The following NTN1 variants were observed in gnomAD, a reference collection of about 807,000 sequenced individuals.
The protein encoded by NTN1 is netrin-1.
In NTN1, 11 loss-of-function variants were observed where a neutral mutation model predicts 54.2. The ratio of observed to expected loss-of-function variants is 0.20; its 90% CI spans 0.13 to 0.34. The LOEUF is 0.34. Ranked by LOEUF, NTN1 falls within the 10% of genes least tolerant of loss-of-function variation. The pLI is 1.00. For missense variants in NTN1, 740 were observed against 893.1 expected (o/e 0.83, Z 2.18); for synonymous variants, 371 against 382.0 (o/e 0.97, Z 0.33).
intron 2 of NTN1, among the ~76,000 whole-genome samples, chr17:9,106,449 TTTCC>T (rs1389408570): frequency 1.3e-5 from 2 of 149,468 alleles, no homozygotes; most frequent in Non-Finnish European, 3.0e-5. Context: ...CAAAATGGCA[TTTCC>T]TTCCTTCCTT....
At chr17:9,191,936 C>T (rs1904473412) in intron 5 of NTN1, among the ~76,000 whole-genome samples, 1 of 149,124 alleles carries the variant, frequency 6.7e-6, no homozygotes, top group South Asian at 2.1e-4. Flanking sequence ...TATCACGCCA[C>T]TGCACGGCAG....
chr17:9,222,984 C>G (rs1905414299), intron 6 of NTN1, among the ~76,000 whole-genome samples: 1 of 152,200 alleles, frequency 6.6e-6, no homozygotes, highest in Non-Finnish European at 1.5e-5. Flanking sequence ...CCCCACAGGC[C>G]TTCTGGCCTT....
intron 2 of NTN1, among the ~76,000 whole-genome samples, chr17:9,039,543 T>C (rs2091914768): frequency 1.3e-5 from 2 of 152,218 alleles, no homozygotes; most frequent in Admixed American, 1.3e-4. Context: ...ATTGCACATA[T>C]ATAAAAAGTA....
At chr17:9,075,252 G>A (rs1451685023) in intron 2 of NTN1, among the ~76,000 whole-genome samples, 4 of 152,180 alleles carry the variant, frequency 2.6e-5, no homozygotes, top group Admixed American at 1.3e-4. Flanking sequence ...AGGCCGAGGC[G>A]GGTGGAATAC....
intron 2 of NTN1, among the ~76,000 whole-genome samples, chr17:9,051,113 C>T (rs1299820331): frequency 3.9e-5 from 6 of 152,124 alleles, no homozygotes; most frequent in African/African-American, 1.4e-4. Flanking sequence ...TGGGGACCCT[C>T]GGGAAGGCAG....
intron 2 of NTN1, among the ~76,000 whole-genome samples, chr17:9,118,130 A>G (rs2092220325): frequency 6.6e-6 from 1 of 152,208 alleles, no homozygotes; most frequent in Non-Finnish European, 1.5e-5. Context: ...GTATAATGTC[A>G]GTGTCTACCT....
intron 2 of NTN1, among the ~76,000 whole-genome samples, chr17:9,030,368 A>T (rs1409829057): frequency 2.6e-5 from 4 of 152,220 alleles, no homozygotes; most frequent in African/African-American, 9.6e-5. Context: ...ACCTTCTGTC[A>T]TTGGGATTAG....
chr17:9,117,782 A>C (rs1301564925), intron 2 of NTN1, among the ~76,000 whole-genome samples: 1 of 150,902 alleles, frequency 6.6e-6, no homozygotes, highest in Non-Finnish European at 1.5e-5. Context: ...AAAAAAAAAA[A>C]AAAAACAAGC....
chr17:9,005,617 C>T, the NTN1 span, among the ~76,000 whole-genome samples: 1 of 152,324 alleles, frequency 6.6e-6, no homozygotes. Flanking sequence ...CTAGCAGGCC[C>T]TTCTCTCCCA....
intron 2 of NTN1, among the ~76,000 whole-genome samples, chr17:9,161,170 GGGTGCCCACGCCAGGCT>G (rs1341095406): frequency 6.6e-6 from 1 of 152,196 alleles, no homozygotes; most frequent in African/African-American, 2.4e-5. Flanking sequence ...AGGCCATGCT[GGGTGCCCACGCCAGGCT>G]GGTGGGGTGG....
At chr17:9,131,974 T>A (rs1281517033) in intron 2 of NTN1, among the ~76,000 whole-genome samples, 1 of 145,734 alleles carries the variant, frequency 6.9e-6, no homozygotes, top group Non-Finnish European at 1.5e-5. Context: ...GGCTAATTTT[T>A]TGTATTTTTT....
At chr17:9,121,334 G>C (rs539879904) in intron 2 of NTN1, among the ~76,000 whole-genome samples, 1 of 152,118 alleles carries the variant, frequency 6.6e-6, no homozygotes, top group East Asian at 1.9e-4. Context: ...TGATGTGCGG[G>C]GGTAGCTGAT....
intron 2 of NTN1, among the ~76,000 whole-genome samples, chr17:9,060,005 G>A (rs572199754): frequency 2.0e-5 from 3 of 152,076 alleles, no homozygotes; most frequent in African/African-American, 7.2e-5. Context: ...CTGCATACGG[G>A]GTGTATGTAT....
intron 2 of NTN1, among the ~76,000 whole-genome samples, chr17:9,067,343 A>G (rs902685774): frequency 1.3e-5 from 2 of 152,126 alleles, no homozygotes; most frequent in East Asian, 1.9e-4. Context: ...TACAGCTTCA[A>G]GTGTGGAAGT....
At chr17:9,112,610 G>A (rs577616274) in intron 2 of NTN1, among the ~76,000 whole-genome samples, 1 of 147,884 alleles carries the variant, frequency 6.8e-6, no homozygotes, top group Admixed American at 6.7e-5. Flanking sequence ...CGGATCACGA[G>A]GTCAGGAGAT....
intron 5 of NTN1, among the ~76,000 whole-genome samples, chr17:9,198,225 G>C (rs1904690173): frequency 1.3e-5 from 2 of 152,220 alleles, no homozygotes; most frequent in Non-Finnish European, 2.9e-5. Flanking sequence ...TGGAAGTCTA[G>C]CCTCAGCCTG....
intron 2 of NTN1, among the ~76,000 whole-genome samples, chr17:9,089,505 G>A (rs77194669): frequency 0.012 from 1,758 of 152,240 alleles, 37 homozygotes; most frequent in African/African-American, 0.04. Flanking sequence ...CAATGTCCTA[G>A]GTGACAATTT....
At chr17:9,227,810 A>G (rs879837119) in intron 6 of NTN1, among the ~76,000 whole-genome samples, 40 of 125,410 alleles carry the variant, frequency 3.2e-4, no homozygotes, top group Non-Finnish European at 6.1e-4. Flanking sequence ...TTCACACACT[A>G]TCCCACACTA....
rs1170434363 is a variant in NTN1, at chr17:9,239,403, G to C, written c.1487-237G>C. On this transcript the variant is annotated intron_variant, in intron 6 of 6. Coordinates refer to ENST00000173229, the MANE Select transcript of NTN1 (RefSeq NM_004822.3). This position sits in a 1 kb window ranked among gnomAD's most constrained non-coding sequence, Gnocchi z 5.2. ...CCTTGACAAGGCCAGGAGATGGCTT[G>C]TCCCGACGGCAGTGCTGGGTGGCAC... Among the ~76,000 whole-genome samples the C allele has an allele frequency of 6.6e-6, 1 of 152,182 alleles. No homozygotes were observed. The highest frequency in any genetic ancestry group is 1.5e-5 in the Non-Finnish European group (1 of 68,028).
Sources: gnomAD v4.1 joint callset for allele counts (sites outside exome capture counted in the v4.1 genomes callset) on GRCh38, gnomAD v4.1.1 for gene constraint, Gnocchi (gnomAD v3.1) non-coding constraint, MANE v1.5 for transcripts, NCBI Gene and HGNC (gene_info 2026-07-23, HGNC 2026-07-21) for gene names.